Variants in MGMT observed in about 807,000 individuals in gnomAD.
The protein encoded by MGMT is methylated-DNA--protein-cysteine methyltransferase.
MGMT carries 14 observed loss-of-function variants against 15.9 expected under a neutral mutation model. That is an observed-to-expected ratio of 0.88 (90% CI 0.58 to 1.37). The LOEUF is 1.37. MGMT is among the 40% of genes most tolerant of loss of function. MGMT has a pLI of 0.00. For synonymous variants in MGMT, 130 were observed against 118.2 expected (o/e 1.10, Z -0.65); for missense variants, 282 against 268.1 (o/e 1.05, Z -0.36).
intron 2 of MGMT, among the ~76,000 whole-genome samples, chr10:129,646,754 A>ATATATATTTTTTTTTTTTTT: frequency 2.3e-5 from 2 of 86,666 alleles, no homozygotes; most frequent in African/African-American, 3.9e-5. Context: ...ATATATATAT[A>ATATATATTTTTTTTTTTTTT]TTTTCAGGGA....
chr10:129,669,185 T>C (rs978996132), intron 2 of MGMT, among the ~76,000 whole-genome samples: 2 of 152,164 alleles, frequency 1.3e-5, no homozygotes, highest in Non-Finnish European at 2.9e-5. Flanking sequence ...AATCAACTTA[T>C]TTTGTTTTAC....
At chr10:129,599,031 A>C (rs1846786034) in intron 2 of MGMT, among the ~76,000 whole-genome samples, 1 of 152,258 alleles carries the variant, frequency 6.6e-6, no homozygotes, top group Non-Finnish European at 1.5e-5. Context: ...AGAAAAACTT[A>C]AGCTGAATTG....
intron 2 of MGMT, among the ~76,000 whole-genome samples, chr10:129,601,665 G>A (rs1846823367): frequency 6.6e-6 from 1 of 152,184 alleles, no homozygotes; most frequent in Non-Finnish European, 1.5e-5. Flanking sequence ...CCATTACTGT[G>A]GAGTAGGGAA....
chr10:129,649,402 T>C (rs984258761), intron 2 of MGMT, among the ~76,000 whole-genome samples: 16 of 152,314 alleles, frequency 1.1e-4, no homozygotes, highest in South Asian at 2.1e-4. Context: ...TGCAAGTTTT[T>C]AAAATCAAGG....
At chr10:129,528,853 A>G (rs188745314) in intron 1 of MGMT, among the ~76,000 whole-genome samples, 1 of 152,312 alleles carries the variant, frequency 6.6e-6, no homozygotes, top group Non-Finnish European at 1.5e-5. Context: ...TATGAAAACA[A>G]GAACTCTCTG....
At chr10:129,558,013 CTG>C (rs1201895881) in intron 2 of MGMT, among the ~76,000 whole-genome samples, 1 of 152,196 alleles carries the variant, frequency 6.6e-6, no homozygotes, top group Non-Finnish European at 1.5e-5. Context: ...GATCTTCCCT[CTG>C]GACAGCTGCG....
intron 1 of MGMT, among the ~76,000 whole-genome samples, chr10:129,508,700 A>G (rs1337633319): frequency 6.6e-6 from 1 of 151,940 alleles, no homozygotes; most frequent in African/African-American, 2.4e-5. Context: ...CGCCTGCCAC[A>G]TGCCCGGCTG....
chr10:129,524,753 G>A (rs935278150), intron 1 of MGMT, among the ~76,000 whole-genome samples: 1 of 151,718 alleles, frequency 6.6e-6, no homozygotes, highest in Non-Finnish European at 1.5e-5. Context: ...CACCATGCCC[G>A]GCTTATTTTT....
At chr10:129,658,666 G>A (rs1280129369) in intron 2 of MGMT, among the ~76,000 whole-genome samples, 1 of 152,166 alleles carries the variant, frequency 6.6e-6, no homozygotes, top group Non-Finnish European at 1.5e-5. Context: ...GACATGTCCT[G>A]GAAGAAATTA....
intron 1 of MGMT, among the ~76,000 whole-genome samples, chr10:129,496,079 A>C (rs184520333): frequency 6.6e-6 from 1 of 152,178 alleles, no homozygotes; most frequent in African/African-American, 2.4e-5. Context: ...TTGTTTTACT[A>C]TTTGCCATTT....
intron 1 of MGMT, among the ~76,000 whole-genome samples, chr10:129,504,654 G>A (rs541983020): frequency 6.6e-6 from 1 of 152,256 alleles, no homozygotes; most frequent in African/African-American, 2.4e-5. Flanking sequence ...AAGGACTAGA[G>A]AGGATGCCCT....
chr10:129,475,889 G>GGTCATCCTT (rs1845288330), intron 1 of MGMT, among the ~76,000 whole-genome samples: 1 of 152,234 alleles, frequency 6.6e-6, no homozygotes, highest in South Asian at 2.1e-4. Flanking sequence ...ACCACCCTGT[G>GGTCATCCTT]GTCATCCTTG....
chr10:129,480,315 A>G (rs1028758664), intron 1 of MGMT, among the ~76,000 whole-genome samples: 2 of 152,198 alleles, frequency 1.3e-5, no homozygotes, highest in African/African-American at 2.4e-5. Flanking sequence ...GCAGGGTGCA[A>G]TCCGAGACCC....
At chr10:129,559,333 G>T (rs1320035622) in intron 2 of MGMT, among the ~76,000 whole-genome samples, 2 of 151,984 alleles carry the variant, frequency 1.3e-5, no homozygotes, top group Non-Finnish European at 2.9e-5. Flanking sequence ...TTTGCCCTGC[G>T]ATCCCATAAG....
chr10:129,683,645 G>A (rs1449413955), intron 2 of MGMT, among the ~76,000 whole-genome samples: 1 of 152,114 alleles, frequency 6.6e-6, no homozygotes, highest in South Asian at 2.1e-4. Flanking sequence ...GACTTGGCTT[G>A]TTGAAATGTT....
intron 2 of MGMT, chr10:129,701,436 T>C (rs1342726031): frequency 6.6e-6 from 1 of 152,148 alleles, no homozygotes; most frequent in Non-Finnish European, 1.5e-5. Flanking sequence ...TCTTGGCCGA[T>C]TTTCTTAAAT....
intron 3 of MGMT, among the ~76,000 whole-genome samples, chr10:129,723,711 T>C (rs1589959172): frequency 6.6e-6 from 1 of 152,298 alleles, no homozygotes; most frequent in East Asian, 1.9e-4. Flanking sequence ...AGTAAATAAC[T>C]GGACAAAATA....
chr10:129,485,967 C>T (rs1274543333), intron 1 of MGMT, among the ~76,000 whole-genome samples: 1 of 152,068 alleles, frequency 6.6e-6, no homozygotes, highest in African/African-American at 2.4e-5. Flanking sequence ...TTATTCTGGC[C>T]CTCACAGAAT....
At chr10:129,637,701 C>T (rs61859926) in intron 2 of MGMT, among the ~76,000 whole-genome samples, 14,081 of 151,984 alleles carry the variant, frequency 0.093, 847 homozygotes, top group East Asian at 0.31. Flanking sequence ...TAGAATAGGC[C>T]CTAATTCAGC....
Sources: allele counts gnomAD v4.1 joint callset (sites outside exome capture counted in the v4.1 genomes callset), GRCh38; gene constraint gnomAD v4.1.1; transcripts MANE v1.5; gene names NCBI Gene and HGNC (gene_info 2026-07-23, HGNC 2026-07-21).